Variants in TRIT1 observed in about 807,000 individuals in gnomAD.
TRIT1 encodes the protein tRNA dimethylallyltransferase.
Under a neutral mutation model 51.2 loss-of-function variants are expected in TRIT1, and 43 were observed. That is an observed-to-expected ratio of 0.84 (90% confidence interval 0.66 to 1.08). The LOEUF is 1.08. Ranked by LOEUF, TRIT1 falls within the 50% of genes least tolerant of loss-of-function variation. The pLI is 0.00. For missense variants in TRIT1, 528 were observed against 578.4 expected, an observed-to-expected ratio of 0.91 and a Z score of 0.89; for synonymous variants, 184 against 203.9, an observed-to-expected ratio of 0.90 and a Z score of 0.83.
chr1:39,857,473 C>A, intron 1 of TRIT1, 56 bp from the exon 2 acceptor site: 6 of 1,577,510 alleles, frequency 3.8e-6, no homozygotes, highest in Non-Finnish European at 5.2e-6. Context: ...AAGATGCATA[C>A]TTAATGAATA....
chr1:39,862,842 GA>G (rs1643328515), intron 1 of TRIT1: 1 of 985,260 alleles, frequency 1.0e-6, no homozygotes, highest in Non-Finnish European at 1.2e-6. Context: ...CAATCAGCCT[GA>G]ATGCTGGGAA....
intron 5 of TRIT1, among the ~76,000 whole-genome samples, chr1:39,848,951 T>C (rs563346814): frequency 8.5e-5 from 13 of 152,288 alleles, no homozygotes; most frequent in African/African-American, 2.9e-4. Flanking sequence ...CATTATTTTA[T>C]GCTGCCTGTA....
intron 1 of TRIT1, among the ~76,000 whole-genome samples, chr1:39,865,289 C>T (rs1459566412): frequency 6.6e-6 from 1 of 152,174 alleles, no homozygotes; most frequent in Non-Finnish European, 1.5e-5. Context: ...TGAGGCCAGC[C>T]ACTGATCTAT....
intron 4 of TRIT1, 186 bp downstream of exon 4, chr1:39,852,545 C>A: frequency 1.5e-6 from 1 of 663,548 alleles, no homozygotes; most frequent in East Asian, 2.6e-5. Context: ...AAGTAGGCTG[C>A]AATTATTTAT....
chr1:39,844,102 T>C lies in TRIT1; in HGVS notation c.1233A>G (p.Ala411=), dbSNP rs1642078882. 3.7e-6 allele frequency: 6 copies of C among 1,611,784 alleles called. No individual in the cohort carries two copies. Among genetic ancestry groups the C allele is most frequent in the Non-Finnish European group, 5.1e-6 (6 of 1,177,980 alleles). The change falls in exon 10 of 11, where the codon GCA becomes GCG. Residue 411 remains alanine, a splice_region_variant and synonymous_variant. Coordinates refer to ENST00000316891, the MANE Select transcript of TRIT1 (RefSeq NM_017646.6). ...DRIIIGDREW[A]AHIKSKSHLN... ...TTCATGCCCCTCCCCATACTCTACC[T>C]GCCCATTCGCGATCCCCAATGATGA...
rs1019523641 is a variant in TRIT1, at chr1:39,840,104, G to A, written c.*1640C>T. 2.0e-5 allele frequency among the ~76,000 whole-genome samples: 3 copies of A among 152,086 alleles called. No individual in the cohort carries two copies. The highest frequency in any genetic ancestry group is 7.2e-5 in the African/African-American group (3 of 41,408). ...AAGGAAACAGCATCTCCCTCCCAGG[G>A]CTGTGTGAGAAGATAACATATAAAA... On this transcript the variant is annotated 3_prime_UTR_variant, in exon 11 of 11. Transcript: ENST00000316891.
intron 8 of TRIT1, among the ~76,000 whole-genome samples, chr1:39,845,096 G>A (rs1029952154): frequency 1.4e-4 from 21 of 152,214 alleles, no homozygotes; most frequent in East Asian, 5.8e-4. Flanking sequence ...TTCCCTCAGC[G>A]GCCTGGGACT....
Position 39,852,784 on chromosome 1 carries a change from C to G in TRIT1, c.507G>C (p.Val169=). ...GLVLHKRLSQ[V]DPEMAAKLHP... ...GCAGCTTGGCAGCCATTTCTGGGTCCACCTGGCTTAGGCGTTTGTGAAGTA... is the reference window on the plus strand; with the variant it reads ...GCAGCTTGGCAGCCATTTCTGGGTCGACCTGGCTTAGGCGTTTGTGAAGTA... Residue 169 remains valine, a synonymous_variant, in exon 4 of 11, where the codon GTG becomes GTC. Transcript: ENST00000316891. 1 of 1,614,166 alleles carries G rather than the reference C, an allele frequency of 6.2e-7. No individual in the cohort carries two copies. The highest frequency in any genetic ancestry group is 8.5e-7 in the Non-Finnish European group (1 of 1,180,018).
intron 5 of TRIT1, among the ~76,000 whole-genome samples, chr1:39,848,466 G>A (rs575010256): frequency 1.3e-5 from 2 of 151,554 alleles, no homozygotes; most frequent in Non-Finnish European, 2.9e-5. Context: ...GCAACTTAGT[G>A]TTACTTTATG....
intron 1 of TRIT1, chr1:39,881,496 T>C (rs1247616696): frequency 6.6e-6 from 1 of 152,088 alleles, no homozygotes; most frequent in Non-Finnish European, 1.5e-5. Context: ...CTCCTTTTAC[T>C]ATCCTACCTA....
chr1:39,863,200 T>C (rs1643346732), intron 1 of TRIT1, among the ~76,000 whole-genome samples: 1 of 152,230 alleles, frequency 6.6e-6, no homozygotes, highest in Non-Finnish European at 1.5e-5. Flanking sequence ...GCATGGTGGC[T>C]CACACCTATA....
intron 1 of TRIT1, chr1:39,862,738 C>A: frequency 1.0e-6 from 1 of 982,318 alleles, no homozygotes; most frequent in Non-Finnish European, 1.2e-6. Context: ...TTATTACCAG[C>A]CTAGAAAACA....
chr1:39,848,057 A>G lies in TRIT1; in HGVS notation c.744T>C (p.Leu248=). ...TTAGTTCCTCCAAGAGCCCAGCAGC[A>G]AGCATGTCATCCACCCTCTTATCCA... ...ERLDKRVDDM[L]AAGLLEELRD... Residue 248 remains leucine (L), a synonymous_variant, in exon 6 of 11, where the codon CTT becomes CTC. Transcript: ENST00000316891. 1 of 1,614,194 alleles carries G rather than the reference A, an allele frequency of 6.2e-7. No individual in the cohort carries two copies.
chr1:39,846,246 A>G (rs1569972575), intron 8 of TRIT1, among the ~76,000 whole-genome samples: 1 of 152,368 alleles, frequency 6.6e-6, no homozygotes, highest in Admixed American at 6.5e-5. Context: ...TTAGTGGTCA[A>G]CAGCAGGGAT....
rs1180269745 is a variant in TRIT1 at position 39,838,336 on chromosome 1, CCTA to C, written c.*3405_*3407del. ...TTGAAGCAGATCACTTATGTAGAGACCTACTTAGTTTTTATGCTTTCATGCAAT... is the reference window on the plus strand; with the variant it reads ...TTGAAGCAGATCACTTATGTAGAGACCTTAGTTTTTATGCTTTCATGCAAT... On this transcript the variant is annotated 3_prime_UTR_variant, in exon 11 of 11. Coordinates refer to ENST00000316891, the MANE Select transcript of TRIT1 (RefSeq NM_017646.6). Among the ~76,000 whole-genome samples the C allele has an allele frequency of 2.0e-5, 3 of 152,136 alleles. No homozygotes were observed. The highest frequency in any genetic ancestry group is 4.4e-5 in the Non-Finnish European group (3 of 68,030).
intron 1 of TRIT1, among the ~76,000 whole-genome samples, chr1:39,879,485 AATAT>A (rs34841905): frequency 1.3e-5 from 2 of 148,524 alleles, no homozygotes; most frequent in Non-Finnish European, 1.5e-5. Flanking sequence ...GAGGATTTTA[AATAT>A]ATATATATAT....
rs911044733 is a variant in TRIT1, at chr1:39,853,391, T to C, written c.415-515A>G. Among the ~76,000 whole-genome samples, 135 of 146,716 alleles carry C rather than the reference T, an allele frequency of 9.2e-4. 1 individual carries two copies. The highest frequency in any genetic ancestry group is 3.3e-3 in the African/African-American group (129 of 38,824). On this transcript the variant is annotated intron_variant, in intron 3 of 10. Transcript: ENST00000316891. ...TAAAGAATTATACATATTTTTTTCT[T>C]GAATCGCATCTGTTTTTTTTTTTGA...
chr1:39,867,277 C>T (rs1027674624), intron 1 of TRIT1, among the ~76,000 whole-genome samples: 3 of 152,160 alleles, frequency 2.0e-5, no homozygotes, highest in Non-Finnish European at 4.4e-5. Flanking sequence ...TCCCGAGTGG[C>T]TGGGATTATA....
chr1:39,854,209 A>G, intron 2 of TRIT1, 141 bp from the exon 3 acceptor site: 2 of 614,024 alleles, frequency 3.3e-6, no homozygotes, highest in Non-Finnish European at 5.6e-6. Flanking sequence ...ACCAGCCCTC[A>G]GTGTTTCCAA....
Sources: allele counts gnomAD v4.1 joint callset (sites outside exome capture counted in the v4.1 genomes callset), GRCh38; gene constraint gnomAD v4.1.1; transcripts MANE v1.5; gene names NCBI Gene and HGNC (gene_info 2026-07-23, HGNC 2026-07-21).